Variants in MBTD1 observed in about 807,000 individuals in gnomAD.
MBTD1 encodes the protein MBT domain-containing protein 1.
Under a neutral mutation model 87.8 loss-of-function variants are expected in MBTD1, and 24 were observed. The ratio of observed to expected loss-of-function variants is 0.27; its 90% CI spans 0.20 to 0.38. The LOEUF (loss-of-function observed/expected upper bound fraction) is 0.38, where lower values mean the gene tolerates loss of function less well. Among genes scored for constraint, MBTD1 ranks in the 10% least tolerant of loss-of-function variants. MBTD1 has a pLI of 1.00. For missense variants in MBTD1, 436 were observed against 760.2 expected (o/e 0.57, Z 5.02); for synonymous variants, 237 against 248.6 (o/e 0.95, Z 0.44).
At chr17:51,192,097 C>A (rs1477586482) in intron 16 of MBTD1, 106 bp downstream of exon 16, 1 of 835,620 alleles carries the variant, frequency 1.2e-6, no homozygotes, top group East Asian at 2.7e-5. Context: ...ATACATAATG[C>A]ACAATCATCA....
At chr17:51,245,979 T>C (rs1368942969) in intron 2 of MBTD1, among the ~76,000 whole-genome samples, 4 of 152,236 alleles carry the variant, frequency 2.6e-5, no homozygotes, top group African/African-American at 7.2e-5. Context: ...AGTGGATGTC[T>C]TTCCATTTGT....
chr17:51,205,364 G>A (rs764041781), intron 7 of MBTD1, among the ~76,000 whole-genome samples: 10 of 152,178 alleles, frequency 6.6e-5, no homozygotes, highest in East Asian at 5.8e-4. Flanking sequence ...ATGTAAAATC[G>A]GAGATGGAAG....
intron 2 of MBTD1, among the ~76,000 whole-genome samples, chr17:51,231,553 T>C (rs999900713): frequency 5.3e-5 from 8 of 152,320 alleles, no homozygotes; most frequent in Non-Finnish European, 7.3e-5. Context: ...AAGAGGAATA[T>C]ACAGTATGCA....
At chr17:51,253,648 T>C (rs2054923015) in intron 2 of MBTD1, among the ~76,000 whole-genome samples, 1 of 152,174 alleles carries the variant, frequency 6.6e-6, no homozygotes. Context: ...CATGGGAAGA[T>C]GAATCTAACT....
At chr17:51,235,243 C>T (rs1192374329) in intron 2 of MBTD1, among the ~76,000 whole-genome samples, 4 of 151,922 alleles carry the variant, frequency 2.6e-5, no homozygotes. Context: ...TCAAGCTATT[C>T]TCGTGCCTTA....
chr17:51,250,233 T>C (rs1598436546), intron 2 of MBTD1: 1 of 152,118 alleles, frequency 6.6e-6, no homozygotes, highest in Non-Finnish European at 1.5e-5. Context: ...TTCCATCCCA[T>C]TATATTTTAG....
chr17:51,221,283 A>G (rs1319108858), intron 3 of MBTD1, among the ~76,000 whole-genome samples: 1 of 152,204 alleles, frequency 6.6e-6, no homozygotes, highest in Admixed American at 6.5e-5. Context: ...GGACAACAGA[A>G]GGAGATCCTG....
chr17:51,203,936 GAAAT>G lies in MBTD1; in HGVS notation c.605-15_605-12del. ...AAAGGGCATTGTAACCTGAAACCCA[GAAAT>G]AAATCACTACATAATAAGAAAATAA... On this transcript the variant is annotated splice_polypyrimidine_tract_variant and intron_variant, in intron 7 of 16. Coordinates refer to ENST00000586178, the MANE Select transcript of MBTD1 (RefSeq NM_017643.3). 6.3e-7 allele frequency: 1 copy of G among 1,580,932 alleles called. No homozygotes were observed. The highest frequency in any genetic ancestry group is 8.6e-7 in the Non-Finnish European group (1 of 1,166,166).
chr17:51,205,902 C>A (rs188259648), intron 7 of MBTD1, among the ~76,000 whole-genome samples: 9 of 152,244 alleles, frequency 5.9e-5, no homozygotes, highest in Admixed American at 5.2e-4. Flanking sequence ...GGAAATAAAA[C>A]TAGAGAGAGT....
intron 8 of MBTD1, 95 bp from the exon 9 acceptor site, chr17:51,203,323 G>T: frequency 1.5e-6 from 1 of 667,520 alleles, no homozygotes; most frequent in Non-Finnish European, 2.4e-6. Flanking sequence ...TGCAAAGTCA[G>T]GCTATTAACA....
chr17:51,211,138 TAAAAAAAAAAGAAA>T (rs1342594500), intron 6 of MBTD1, among the ~76,000 whole-genome samples: 3 of 45,486 alleles, frequency 6.6e-5, no homozygotes, highest in Non-Finnish European at 1.4e-4. Flanking sequence ...CTACATCTCA[TAAAAAAAAAAGAAA>T]AAAAAAAAAA....
In MBTD1 at chr17:51,217,504, T is replaced by G; in HGVS notation, c.404-88A>C. The G allele has an allele frequency of 2.1e-5, 13 of 610,058 alleles. No individual in the cohort carries two copies. The South Asian group carries it at 3.2e-4, about 15-fold the overall frequency. 37.8% of individuals were successfully genotyped at this position (610,058 alleles called of 1,614,324 possible). Reference sequence around the variant, plus strand: ...CATTGTTAAAATGTGTGAAAGGACATAAAATTAATTTATCCCATTTAAAGA... The same window carrying G: ...CATTGTTAAAATGTGTGAAAGGACAGAAAATTAATTTATCCCATTTAAAGA... On this transcript the variant is annotated intron_variant, in intron 5 of 16. Coordinates refer to ENST00000586178, the MANE Select transcript of MBTD1 (RefSeq NM_017643.3).
At position 51,217,292 on chromosome 17, in the gene MBTD1, T is replaced by C. The variant is rs973827333; in HGVS notation, c.486+42A>G. 11 of 1,158,998 alleles carry C rather than the reference T, an allele frequency of 9.5e-6. No homozygotes were observed. The African/African-American group carries it at 1.4e-4, about 15-fold the overall frequency. The allele number at this position is 1,158,998 out of a possible 1,614,324, so 71.8% of individuals were successfully genotyped here. On this transcript the variant is annotated intron_variant, in intron 6 of 16. Coordinates refer to ENST00000586178, the MANE Select transcript of MBTD1 (RefSeq NM_017643.3). ...TTATTGTACCTTCAGATTTAAACAA[T>C]GACTAAGTACTTCAAAATAAGGTGA...
chr17:51,201,724 C>G, intron 11 of MBTD1, 28 bp from the exon 12 acceptor site: 2 of 1,356,312 alleles, frequency 1.5e-6, no homozygotes, highest in Non-Finnish European at 2.1e-6. Flanking sequence ...AGCACATCTA[C>G]TGTTACAAAT....
rs1052436196 is a variant in MBTD1, at chr17:51,178,958, G to A, written c.*1618C>T. The A allele has an allele frequency of 8.6e-5, 13 of 152,026 alleles. 1 individual carries two copies. Among genetic ancestry groups the A allele is most frequent in the Non-Finnish European group, 7.4e-5 (5 of 68,012 alleles). 9.4% of individuals were successfully genotyped at this position (152,026 alleles called of 1,614,324 possible). ...TGCATAGAATGAGGTAAACCTGTGC[G>A]TATTACCAATGCTATTATTCCCAAA... On this transcript the variant is annotated 3_prime_UTR_variant, in exon 17 of 17. Coordinates refer to ENST00000586178, the MANE Select transcript of MBTD1 (RefSeq NM_017643.3).
intron 2 of MBTD1, among the ~76,000 whole-genome samples, chr17:51,226,119 T>G (rs1383509848): frequency 1.3e-5 from 2 of 150,112 alleles, no homozygotes; most frequent in Non-Finnish European, 3.0e-5. Context: ...GATGATAGCT[T>G]GAGCCCAGGA....
intron 7 of MBTD1, among the ~76,000 whole-genome samples, chr17:51,205,175 T>G (rs2051747332): frequency 6.6e-6 from 1 of 152,216 alleles, no homozygotes; most frequent in Non-Finnish European, 1.5e-5. Context: ...AGCATTTTCA[T>G]GTTTGTGAAA....
intron 2 of MBTD1, among the ~76,000 whole-genome samples, chr17:51,234,792 C>G (rs998157363): frequency 2.6e-5 from 4 of 152,222 alleles, no homozygotes. Flanking sequence ...CTCCCAGGTT[C>G]AAGCAATTCT....
chr17:51,218,792 T>G, intron 5 of MBTD1, 138 bp downstream of exon 5: 1 of 585,106 alleles, frequency 1.7e-6, no homozygotes. Context: ...AAACAACTAT[T>G]AGGAAGCTTA....
Sources: gnomAD v4.1 joint callset for allele counts (sites outside exome capture counted in the v4.1 genomes callset) on GRCh38, gnomAD v4.1.1 for gene constraint, MANE v1.5 for transcripts, NCBI Gene and HGNC (gene_info 2026-07-23, HGNC 2026-07-21) for gene names.